Variants in CACNA2D3 observed in about 807,000 individuals in gnomAD.
The protein encoded by CACNA2D3 is voltage-dependent calcium channel subunit alpha-2/delta-3.
CACNA2D3 carries 60 observed loss-of-function variants against 160.6 expected under a neutral mutation model. The observed-to-expected ratio is 0.37, with a 90% CI of 0.30 to 0.46. CACNA2D3 has a LOEUF of 0.46. Among genes scored for constraint, CACNA2D3 ranks in the 20% least tolerant of loss-of-function variants. The pLI is 1.00. For missense variants in CACNA2D3, 1,205 were observed against 1,365.0 expected, an observed-to-expected ratio of 0.88 and a Z score of 1.85; for synonymous variants, 558 against 492.9, an observed-to-expected ratio of 1.13 and a Z score of -1.75.
At chr3:54,430,764 G>T (rs903841971) in intron 4 of CACNA2D3, among the ~76,000 whole-genome samples, 10 of 152,034 alleles carry the variant, frequency 6.6e-5, no homozygotes, top group African/African-American at 2.4e-4. Context: ...TACATTTTTT[G>T]ATTATTAAGG....
chr3:54,461,430 A>G (rs1700502335), intron 4 of CACNA2D3, among the ~76,000 whole-genome samples: 1 of 151,240 alleles, frequency 6.6e-6, no homozygotes, highest in African/African-American at 2.4e-5. Context: ...TTGGTAAGCT[A>G]TTGATTATTG....
In CACNA2D3 at chr3:54,569,977, C is replaced by T. The variant is rs752449908; in HGVS notation, c.761C>T (p.Pro254Leu). The change falls in exon 8 of 38, where the codon CCG becomes CTG. Residue 254 changes from proline (P) to leucine (L), a missense_variant. Physicochemically the swap from Pro to Leu is moderately conservative, Grantham distance 98. Transcript: ENST00000474759. ...RKWYIQAATS[P>L]KDVVILVDVS... ...AGGTACATCCAGGCAGCAACTTCTC[C>T]GAAAGACGTGGTCATTTTAGTTGAC... 7.4e-6 allele frequency: 12 copies of T among 1,613,802 alleles called. No homozygotes were observed. Among genetic ancestry groups the T allele is most frequent in the South Asian group, 4.4e-5 (4 of 91,088 alleles).
intron 11 of CACNA2D3, among the ~76,000 whole-genome samples, chr3:54,744,364 T>C (rs2107050618): frequency 6.6e-6 from 1 of 152,308 alleles, no homozygotes; most frequent in South Asian, 2.1e-4. Context: ...CCAGATGTTC[T>C]TAGACAGTCC....
chr3:54,282,317 T>A (rs1474881675), intron 2 of CACNA2D3, among the ~76,000 whole-genome samples: 1 of 152,186 alleles, frequency 6.6e-6, no homozygotes, highest in Non-Finnish European at 1.5e-5. Context: ...AGAGATGCTT[T>A]GGAATTGAAT....
chr3:54,619,974 A>C (rs1019394718), intron 9 of CACNA2D3, among the ~76,000 whole-genome samples: 1 of 152,240 alleles, frequency 6.6e-6, no homozygotes, highest in Non-Finnish European at 1.5e-5. Context: ...GGAAGTGTCC[A>C]GATTTACATC....
At chr3:54,738,867 T>TG (rs1189394715) in intron 11 of CACNA2D3, among the ~76,000 whole-genome samples, 1 of 152,164 alleles carries the variant, frequency 6.6e-6, no homozygotes, top group Non-Finnish European at 1.5e-5. Context: ...GTGTAAGACT[T>TG]GGGGCTGGGC....
rs1219337311 is a variant in CACNA2D3 at position 54,846,397 on chromosome 3, G to A, written c.1556G>A (p.Gly519Glu). 5.0e-6 allele frequency: 8 copies of A among 1,601,504 alleles called. No individual in the cohort carries two copies. Among genetic ancestry groups the A allele is most frequent in the Non-Finnish European group, 6.8e-6 (8 of 1,172,664 alleles). ...LLKTIPKYKL[G>E]IHGYAFAITN... Reference sequence around the variant, plus strand: ...CTTTCTTGCTTCCTCTTACAGTTAGGGATTCACGGTTATGCCTTTGCAATC... The same window carrying A: ...CTTTCTTGCTTCCTCTTACAGTTAGAGATTCACGGTTATGCCTTTGCAATC... Residue 519 changes from glycine (G) to glutamate (E), a missense_variant, in exon 17 of 38, where the codon GGG becomes GAG. Physicochemically the swap from Gly to Glu is moderately conservative, Grantham distance 98 (BLOSUM62 -2). Around this residue, in one of 3 missense-constraint regions of CACNA2D3, gnomAD observed 911 missense variants for 1,002.2 expected, o/e 0.91. Coordinates refer to ENST00000474759, the MANE Select transcript of CACNA2D3 (RefSeq NM_018398.3).
At chr3:54,153,323 C>T (rs988595696) in intron 2 of CACNA2D3, among the ~76,000 whole-genome samples, 3 of 152,184 alleles carry the variant, frequency 2.0e-5, no homozygotes, top group Non-Finnish European at 4.4e-5. Flanking sequence ...TACTTGAAGA[C>T]AGTGAAAGCA....
chr3:54,451,216 C>A (rs1351084927), intron 4 of CACNA2D3, among the ~76,000 whole-genome samples: 1 of 130,986 alleles, frequency 7.6e-6, no homozygotes, highest in Non-Finnish European at 1.6e-5. Context: ...TCCCTTTCTG[C>A]TGATATAATA....
intron 3 of CACNA2D3, among the ~76,000 whole-genome samples, chr3:54,357,782 G>A (rs532557547): frequency 5.4e-4 from 82 of 152,180 alleles, no homozygotes; most frequent in Non-Finnish European, 1.1e-3. Context: ...GAGGAAATTC[G>A]AATGCAACCT....
intron 17 of CACNA2D3, among the ~76,000 whole-genome samples, chr3:54,857,265 A>C (rs976201937): frequency 1.3e-5 from 2 of 152,120 alleles, no homozygotes; most frequent in Admixed American, 1.3e-4. Context: ...TTTGTTGACA[A>C]ATTCCTATTT....
At chr3:54,985,997 C>A (rs1305882231) in intron 30 of CACNA2D3, among the ~76,000 whole-genome samples, 1 of 152,164 alleles carries the variant, frequency 6.6e-6, no homozygotes, top group Non-Finnish European at 1.5e-5. Flanking sequence ...CCTGAGACAG[C>A]AGGAAAGTCC....
chr3:54,218,659 A>C (rs2107373794), intron 2 of CACNA2D3, among the ~76,000 whole-genome samples: 1 of 152,372 alleles, frequency 6.6e-6, no homozygotes, highest in Admixed American at 6.5e-5. Context: ...GGCTTAAAGC[A>C]ACATGAATTT....
intron 3 of CACNA2D3, among the ~76,000 whole-genome samples, chr3:54,332,706 GTCT>G (rs1704292583): frequency 6.6e-6 from 1 of 152,126 alleles, no homozygotes; most frequent in Non-Finnish European, 1.5e-5. Flanking sequence ...CAATTTTTGT[GTCT>G]TCTTTTCCTG....
At chr3:54,993,498 C>G (rs554869894) in intron 31 of CACNA2D3, among the ~76,000 whole-genome samples, 1 of 152,092 alleles carries the variant, frequency 6.6e-6, no homozygotes, top group Non-Finnish European at 1.5e-5. Flanking sequence ...ACATTTGAGC[C>G]AGGGAGACCG....
chr3:54,197,874 T>C (rs1450484018), intron 2 of CACNA2D3, among the ~76,000 whole-genome samples: 2 of 152,212 alleles, frequency 1.3e-5, no homozygotes, highest in African/African-American at 4.8e-5. Flanking sequence ...CCCCATTTCC[T>C]ATCTCCAACC....
chr3:54,765,386 G>A (rs1301730485), intron 13 of CACNA2D3, among the ~76,000 whole-genome samples: 1 of 152,192 alleles, frequency 6.6e-6, no homozygotes, highest in Non-Finnish European at 1.5e-5. Flanking sequence ...CCCAGGAAAA[G>A]TCATCTTGAA....
At chr3:54,380,631 G>T (rs1165659922) in intron 3 of CACNA2D3, among the ~76,000 whole-genome samples, 1 of 152,148 alleles carries the variant, frequency 6.6e-6, no homozygotes, top group African/African-American at 2.4e-5. Flanking sequence ...CCAGCCACTC[G>T]GGAGGCCGAG....
At chr3:54,350,774 A>G (rs1011124775) in intron 3 of CACNA2D3, among the ~76,000 whole-genome samples, 5 of 152,096 alleles carry the variant, frequency 3.3e-5, no homozygotes, top group South Asian at 4.1e-4. Flanking sequence ...TTTGTGGGAC[A>G]TGTGTTTTCA....
Sources: gnomAD v4.1 joint callset for allele counts (sites outside exome capture counted in the v4.1 genomes callset) on GRCh38, gnomAD v4.1.1 for gene constraint, gnomAD v4.1.1 regional missense constraint, MANE v1.5 for transcripts, NCBI Gene and HGNC (gene_info 2026-07-23, HGNC 2026-07-21) for gene names.